The following SRGAP2 variants were observed in gnomAD, a reference collection of about 807,000 sequenced individuals.
SRGAP2 encodes SLIT-ROBO Rho GTPase-activating protein 2.
A neutral mutation model predicts 57.2 loss-of-function variants in SRGAP2; 15 were observed. The observed-to-expected ratio is 0.26, with a 90% CI of 0.18 to 0.40. The LOEUF is 0.40. Ranked by LOEUF, SRGAP2 falls within the 10% of genes least tolerant of loss-of-function variation. The pLI is 1.00. For missense variants in SRGAP2, 520 were observed against 669.6 expected, an observed-to-expected ratio of 0.78 and a Z score of 2.47; for synonymous variants, 249 against 248.0, an observed-to-expected ratio of 1.00 and a Z score of -0.04.
chr1:206,239,865 G>C lies in SRGAP2; in HGVS notation c.67+33828G>C, dbSNP rs535257889. ...AGTTACAATTTTTGACAGATATCTT[G>C]AGAAGATTATAGATTTTGATAGAGG... On this transcript the variant is annotated intron_variant, in intron 2 of 22. Transcript: ENST00000573034. Among the ~76,000 whole-genome samples, 1,135 of 150,932 alleles carry C rather than the reference G, an allele frequency of 7.5e-3. 38 individuals carry two copies. The highest frequency in any genetic ancestry group is 0.066 in the Admixed American group (997 of 15,170).
intron 11 of SRGAP2, among the ~76,000 whole-genome samples, chr1:206,418,084 T>C (rs1659903617): frequency 6.6e-6 from 1 of 151,284 alleles, no homozygotes; most frequent in Middle Eastern, 3.2e-3. Context: ...AATCTAAAGA[T>C]GACAAGTTCT....
intron 2 of SRGAP2, among the ~76,000 whole-genome samples, chr1:206,259,600 G>A (rs1415504073): frequency 6.7e-6 from 1 of 148,244 alleles, no homozygotes; most frequent in African/African-American, 2.5e-5. Flanking sequence ...GCTTTCCAAA[G>A]TACTGGGATT....
chr1:206,277,228 TCA>T (rs1276842368), intron 2 of SRGAP2, among the ~76,000 whole-genome samples: 2 of 136,894 alleles, frequency 1.5e-5, no homozygotes, highest in African/African-American at 5.5e-5. Flanking sequence ...TTGGTGACTT[TCA>T]CAGTCTGGCT....
At chr1:206,314,096 G>GGT (rs1553325188) in intron 3 of SRGAP2, among the ~76,000 whole-genome samples, 6 of 125,694 alleles carry the variant, frequency 4.8e-5, no homozygotes, top group Middle Eastern at 3.8e-3. Flanking sequence ...GGGCTTTTTT[G>GGT]TTTTTTTTGT....
chr1:206,445,488 T>C (rs1367191893), intron 17 of SRGAP2, among the ~76,000 whole-genome samples: 1 of 152,214 alleles, frequency 6.6e-6, no homozygotes, highest in African/African-American at 2.4e-5. Context: ...AACAATTGCA[T>C]TTGCTGTTCT....
chr1:206,278,531 A>G (rs1670549773), intron 2 of SRGAP2, among the ~76,000 whole-genome samples: 2 of 141,878 alleles, frequency 1.4e-5, no homozygotes, highest in South Asian at 2.3e-4. Context: ...TTAATTTTTA[A>G]TTTTTATTTT....
intron 3 of SRGAP2, among the ~76,000 whole-genome samples, chr1:206,327,285 C>T (rs1673997660): frequency 6.6e-6 from 1 of 151,664 alleles, no homozygotes; most frequent in African/African-American, 2.4e-5. Context: ...CGAGATCACA[C>T]CATTGCACTC....
intron 20 of SRGAP2, chr1:206,453,770 A>T (rs1388561806): frequency 6.9e-5 from 17 of 248,008 alleles, no homozygotes; most frequent in South Asian, 3.2e-4. Context: ...TTTTTTTTTT[A>T]AACAACTATG....
intron 18 of SRGAP2, among the ~76,000 whole-genome samples, chr1:206,449,447 C>CTTTTTTTTT: frequency 7.2e-6 from 1 of 138,786 alleles, no homozygotes; most frequent in Non-Finnish European, 1.6e-5. Context: ...TGCACACTGG[C>CTTTTTTTTT]TTTTTTTTTT....
chr1:206,254,734 G>C (rs1238455156), intron 2 of SRGAP2, among the ~76,000 whole-genome samples: 3 of 150,336 alleles, frequency 2.0e-5, no homozygotes, highest in African/African-American at 7.3e-5. Flanking sequence ...TTGGGCTCTA[G>C]GACTGAATTA....
chr1:206,383,638 T>A (rs1655915758), intron 4 of SRGAP2, among the ~76,000 whole-genome samples: 1 of 150,458 alleles, frequency 6.6e-6, no homozygotes, highest in Non-Finnish European at 1.5e-5. Flanking sequence ...CATCTTACTT[T>A]CCTTTGAAAT....
chr1:206,391,615 G>A (rs569760085), intron 5 of SRGAP2, among the ~76,000 whole-genome samples: 1 of 115,476 alleles, frequency 8.7e-6, no homozygotes. Context: ...ACACACACAT[G>A]CACACACACA....
chr1:206,283,806 C>T (rs1381046336), intron 2 of SRGAP2, among the ~76,000 whole-genome samples: 2 of 140,454 alleles, frequency 1.4e-5, no homozygotes, highest in African/African-American at 5.4e-5. Context: ...TCTTTTACAT[C>T]AACATTATTA....
At chr1:206,426,685 A>G (rs1180881419) in intron 13 of SRGAP2, among the ~76,000 whole-genome samples, 1 of 152,152 alleles carries the variant, frequency 6.6e-6, no homozygotes, top group East Asian at 1.9e-4. Flanking sequence ...TTGTGGTGAG[A>G]TTATTTAAAA....
intron 2 of SRGAP2, among the ~76,000 whole-genome samples, chr1:206,247,208 A>G (rs1203613534): frequency 1.3e-5 from 2 of 151,740 alleles, no homozygotes; most frequent in Non-Finnish European, 2.9e-5. Context: ...ACTACTTCAT[A>G]CCTTGAACAC....
chr1:206,266,921 T>A (rs1669884951), intron 2 of SRGAP2, among the ~76,000 whole-genome samples: 1 of 145,070 alleles, frequency 6.9e-6, no homozygotes. Flanking sequence ...CTTCTGATTC[T>A]TAAAGAGGCA....
intron 16 of SRGAP2, among the ~76,000 whole-genome samples, chr1:206,439,506 G>A (rs924962910): frequency 3.3e-5 from 5 of 151,878 alleles, no homozygotes; most frequent in Admixed American, 6.6e-5. Context: ...GGCCCTTTGA[G>A]GCTTTGTGTT....
At chr1:206,248,463 CAG>C (rs1668633132) in intron 2 of SRGAP2, among the ~76,000 whole-genome samples, 2 of 152,082 alleles carry the variant, frequency 1.3e-5, no homozygotes, top group Admixed American at 6.5e-5. Context: ...TGGATTCACT[CAG>C]GGGAGGGGTA....
intron 4 of SRGAP2, among the ~76,000 whole-genome samples, chr1:206,359,795 G>A (rs1571952604): frequency 8.2e-6 from 1 of 121,322 alleles, no homozygotes; most frequent in South Asian, 2.6e-4. Context: ...AAGGGATATT[G>A]CTCTTTTTTT....
Sources: allele counts gnomAD v4.1 joint callset (sites outside exome capture counted in the v4.1 genomes callset), GRCh38; gene constraint gnomAD v4.1.1; transcripts MANE v1.5; gene names NCBI Gene and HGNC (gene_info 2026-07-23, HGNC 2026-07-21).